Variants in NUMA1 observed in about 807,000 individuals in gnomAD.
NUMA1 encodes the protein SP-H antigen.
Under a neutral mutation model 237.1 loss-of-function variants are expected in NUMA1, and 62 were observed. The ratio of observed to expected loss-of-function variants is 0.26; its 90% CI spans 0.21 to 0.32. NUMA1 has a LOEUF of 0.32. Among genes scored for constraint, NUMA1 ranks in the 10% least tolerant of loss-of-function variants. NUMA1 has a pLI of 1.00. For synonymous variants in NUMA1, 1,028 were observed against 1,066.1 expected (o/e 0.96, Z 0.70); for missense variants, 2,533 against 2,666.5 (o/e 0.95, Z 1.10).
At chr11:72,037,666 A>G (rs905416370) in intron 2 of NUMA1, among the ~76,000 whole-genome samples, 3 of 152,248 alleles carry the variant, frequency 2.0e-5, no homozygotes, top group Non-Finnish European at 2.9e-5. Flanking sequence ...AATGCTAAAT[A>G]TAACTAAATG....
At chr11:72,017,628 C>A (rs749136599) in intron 13 of NUMA1, 59 bp downstream of exon 13, 2 of 1,602,906 alleles carry the variant, frequency 1.2e-6, no homozygotes, top group South Asian at 2.2e-5. Flanking sequence ...CAGTGGTAAA[C>A]TGGACTCAGC....
At chr11:72,072,830 G>A (rs1289232705) in intron 1 of NUMA1, among the ~76,000 whole-genome samples, 1 of 151,852 alleles carries the variant, frequency 6.6e-6, no homozygotes, top group African/African-American at 2.4e-5. Context: ...CAAGGCGGGC[G>A]GATCACACTG....
chr11:72,013,539 C>G lies in NUMA1; in HGVS notation c.3964G>C (p.Ala1322Pro). 1 of 1,613,562 alleles carries G rather than the reference C, an allele frequency of 6.2e-7. No homozygotes were observed. The highest frequency in any genetic ancestry group is 1.7e-5 in the Admixed American group (1 of 60,034). ...RQELTSQAER[A>P]EELGQELKAW... ...TTCAATTCTTGGCCCAGCTCCTCCG[C>G]ACGCTCAGCCTGTGAGGTCAGCTCC... The change falls in exon 15 of 27, where the codon GCG (alanine) becomes CCG (proline). Residue 1322 changes from alanine to proline, a missense_variant. Ala to Pro is a conservative substitution (Grantham distance 27, BLOSUM62 -1). This residue lies in a region of NUMA1 where 324 missense variants were observed against 407.6 expected (regional missense o/e 0.79). Transcript: ENST00000393695. The surrounding 1 kb of genome is among the most constrained non-coding windows in gnomAD (Gnocchi z 6.8).
Position 72,009,363 on chromosome 11 carries a change from T to C in NUMA1, c.4744A>G (p.Ser1582Gly), listed in dbSNP as rs758099599. ...TGGAGGCGCTGGGCCTCCTGCTGGCTCTCGCCTCCCTGAGCCTGGACAGCC... is the reference window on the plus strand; with the variant it reads ...TGGAGGCGCTGGGCCTCCTGCTGGCCCTCGCCTCCCTGAGCCTGGACAGCC... Reference protein sequence around the residue: ...LKAVQAQGGESQQEAQRLQAQ... With the variant: ...LKAVQAQGGEGQQEAQRLQAQ... Residue 1582 changes from serine to glycine, a missense_variant, in exon 18 of 27, where the codon AGC (serine) becomes GGC (glycine). Around this residue, in one of 3 missense-constraint regions of NUMA1, gnomAD observed 795 missense variants for 750.8 expected, o/e 1.06. Coordinates refer to ENST00000393695, the MANE Select transcript of NUMA1 (RefSeq NM_006185.4). 6.2e-7 allele frequency: 1 copy of C among 1,611,214 alleles called. No homozygotes were observed. Among genetic ancestry groups the C allele is most frequent in the Non-Finnish European group, 8.5e-7 (1 of 1,179,774 alleles).
intron 4 of NUMA1, among the ~76,000 whole-genome samples, chr11:72,026,073 T>C (rs1168350957): frequency 6.6e-6 from 1 of 152,232 alleles, no homozygotes; most frequent in Non-Finnish European, 1.5e-5. Flanking sequence ...CCTAAACCTA[T>C]TTGACCACAA....
At chr11:72,032,516 T>A (rs1940473008) in intron 3 of NUMA1, among the ~76,000 whole-genome samples, 1 of 152,220 alleles carries the variant, frequency 6.6e-6, no homozygotes, top group East Asian at 1.9e-4. Flanking sequence ...ATGTAAAGTC[T>A]CCTAAGGAAT....
chr11:72,022,437 G>C lies in NUMA1; in HGVS notation c.292-18C>G. 1.3e-6 allele frequency: 2 copies of C among 1,572,340 alleles called. No homozygotes were observed. The highest frequency in any genetic ancestry group is 8.8e-7 in the Non-Finnish European group (1 of 1,142,592). ...ATGGTCATCTAGAAGCCAAACAGGA[G>C]GCAGTCACTGAGTGGGGCTGTCTCT... On this transcript the variant is annotated intron_variant, in intron 6 of 26. Transcript: ENST00000393695.
chr11:72,016,302 C>G, intron 14 of NUMA1, 42 bp from the exon 15 acceptor site: 10 of 1,584,110 alleles, frequency 6.3e-6, no homozygotes, highest in Non-Finnish European at 8.6e-6. Flanking sequence ...CATGACTCCT[C>G]AGTCATCAAG....
rs574749299 is a variant in NUMA1 at position 72,053,178 on chromosome 11, A to C, written c.-33+16664T>G. ...TATTTTTAATTTTTGTAGAGACAGG[A>C]TCTTGCTATGTTGTCCAAGCTGGTC... is the stretch of plus-strand genomic sequence containing the variant. On this transcript the variant is annotated intron_variant, in intron 2 of 26. Coordinates refer to ENST00000393695, the MANE Select transcript of NUMA1 (RefSeq NM_006185.4). 2.6e-5 allele frequency among the ~76,000 whole-genome samples: 4 copies of C among 152,312 alleles called. No homozygotes were observed. In the South Asian group the frequency reaches 8.3e-4, roughly 32 times the overall value.
At position 72,012,160 on chromosome 11, in the gene NUMA1, G is replaced by A. The variant is rs7951267; in HGVS notation, c.4650+241C>T. On this transcript the variant is annotated intron_variant, in intron 16 of 26. Transcript: ENST00000393695. The stretch of plus-strand genomic sequence containing the variant: ...CCAGTGCTACCCCTTGTCCCTGATA[G>A]GCAAATGAGAGAAGGTGCAGAAGGG... The A allele has an allele frequency of 9.1e-3, 4,598 of 503,456 alleles. 208 individuals carry two copies. Among genetic ancestry groups the A allele is most frequent in the African/African-American group, 0.081 (4,139 of 51,232 alleles). The allele number at this position is 503,456 out of a possible 1,614,324, so 31.2% of individuals were successfully genotyped here.
At position 72,014,346 on chromosome 11, in the gene NUMA1, C is replaced by T; in HGVS notation, c.3157G>A (p.Ala1053Thr). Residue 1053 changes from alanine (A) to threonine (T), a missense_variant, in exon 15 of 27, where the codon GCT (alanine) becomes ACT (threonine). By Grantham distance (58) the Ala-to-Thr change is moderately conservative. Around this residue, in one of 3 missense-constraint regions of NUMA1, gnomAD observed 1,414 missense variants for 1,508.1 expected, o/e 0.94. Transcript: ENST00000393695. This position sits in a 1 kb window ranked among gnomAD's most constrained non-coding sequence, Gnocchi z 4.6. The part of the protein sequence containing the change: ...VEFATLQEAL[A>T]HALTEKEGKD... ...CCTTCCTTTTCCGTCAGGGCATGAG[C>T]CAGTGCCTCTTGCAGGGTAGCGAAC... The T allele has an allele frequency of 6.2e-7, 1 of 1,613,722 alleles. No individual in the cohort carries two copies. Among genetic ancestry groups the T allele is most frequent in the Non-Finnish European group, 8.5e-7 (1 of 1,180,042 alleles).
intron 1 of NUMA1, among the ~76,000 whole-genome samples, chr11:72,073,299 C>T (rs1274261386): frequency 6.7e-6 from 1 of 148,328 alleles, no homozygotes; most frequent in African/African-American, 2.5e-5. Context: ...AGAGCGAGAC[C>T]CTGTCTCAAA....
intron 20 of NUMA1, chr11:72,007,749 C>A: frequency 2.4e-6 from 1 of 420,364 alleles, no homozygotes; most frequent in Non-Finnish European, 4.4e-6. Context: ...CTTCCTCCTG[C>A]ATCTCCCATT....
At chr11:72,050,786 G>A (rs1302480556) in intron 2 of NUMA1, 2 of 151,690 alleles carry the variant, frequency 1.3e-5, no homozygotes, top group African/African-American at 4.8e-5. Context: ...AGGTCTTCAT[G>A]TATACAAAGC....
rs925454603 is a variant in NUMA1 at position 72,009,053 on chromosome 11, C to G, written c.4972G>C (p.Glu1658Gln). The change falls in exon 19 of 27, where the codon GAG becomes CAG. Residue 1658 changes from glutamate to glutamine, a missense_variant. Glu to Gln is a conservative substitution (Grantham distance 29). Coordinates refer to ENST00000393695, the MANE Select transcript of NUMA1 (RefSeq NM_006185.4). Reference protein sequence around the residue: ...LRAEAERLGHELQQAGLKTKE... With the variant: ...LRAEAERLGHQLQQAGLKTKE... ...GTCTTCAGCCCAGCCTGCTGTAGCT[C>G]ATGGCCCAGCCGTTCAGCTTCAGCT... 9 of 1,613,670 alleles carry G rather than the reference C, an allele frequency of 5.6e-6. No individual in the cohort carries two copies. Among genetic ancestry groups the G allele is most frequent in the Non-Finnish European group, 7.6e-6 (9 of 1,180,042 alleles).
At chr11:72,017,659 T>A (rs771136277) in intron 13 of NUMA1, 28 bp downstream of exon 13, 1 of 1,611,608 alleles carries the variant, frequency 6.2e-7, no homozygotes, top group South Asian at 1.1e-5. Context: ...TGGTCAAGAC[T>A]GTGGCTGTGA....
chr11:72,072,966 G>A (rs1943524687), intron 1 of NUMA1, among the ~76,000 whole-genome samples: 1 of 150,932 alleles, frequency 6.6e-6, no homozygotes, highest in Admixed American at 6.6e-5. Context: ...AGAATGGCGT[G>A]AACCTGGGAG....
At chr11:72,009,447 T>C in intron 17 of NUMA1, 60 bp from the exon 18 acceptor site, 3 of 1,525,066 alleles carry the variant, frequency 2.0e-6, no homozygotes, top group Non-Finnish European at 1.7e-6. Flanking sequence ...TCCGCTTATC[T>C]GCACCAGCCA....
chr11:72,061,666 T>C (rs990820766), intron 2 of NUMA1, among the ~76,000 whole-genome samples: 1 of 151,898 alleles, frequency 6.6e-6, no homozygotes, highest in African/African-American at 2.4e-5. Flanking sequence ...AATTTTTGTA[T>C]TTTTTGTAGA....
Sources: allele counts gnomAD v4.1 joint callset (sites outside exome capture counted in the v4.1 genomes callset), GRCh38; gene constraint gnomAD v4.1.1; regional missense constraint gnomAD v4.1.1; non-coding constraint Gnocchi (gnomAD v3.1); transcripts MANE v1.5; gene names NCBI Gene and HGNC (gene_info 2026-07-23, HGNC 2026-07-21).